The following ZNF157 variants were observed in gnomAD, a reference collection of about 807,000 sequenced individuals.
ZNF157 encodes the protein zinc finger protein 157, also known as zinc finger protein 22.
A neutral mutation model predicts 9.4 loss-of-function variants in ZNF157; 8 were observed. The observed-to-expected ratio is 0.85, with a 90% CI of 0.50 to 1.53. The LOEUF (loss-of-function observed/expected upper bound fraction) is 1.53. ZNF157 is among the 40% of genes most tolerant of loss of function. The probability of loss-of-function intolerance (pLI) is 0.00; values close to 1 mark genes in which losing one functional copy is unlikely to be tolerated. For synonymous variants in ZNF157, 120 were observed against 130.8 expected (o/e 0.92, Z 0.56); for missense variants, 316 against 385.2 (o/e 0.82, Z 1.50).
At chrX:47,375,020 TTTTTTTTTTTTTTTC>T (rs1406530518) in intron 1 of ZNF157, among the ~76,000 whole-genome samples, 4 of 47,415 alleles carry the variant, frequency 8.4e-5, no homozygotes, top group Non-Finnish European at 8.6e-5. Context: ...TTTTTTTTTT[TTTTTTTTTTTTTTTC>T]AGACAGAGTC....
At chrX:47,401,539 T>G (rs1221752073) in intron 1 of ZNF157, among the ~76,000 whole-genome samples, 1 of 111,775 alleles carries the variant, frequency 8.9e-6, no homozygotes, top group Non-Finnish European at 1.9e-5. Context: ...GGTACTGTGT[T>G]TCTCACGTAG....
At chrX:47,388,388 G>GT (rs1464556380) in intron 1 of ZNF157, among the ~76,000 whole-genome samples, 2 of 107,594 alleles carry the variant, frequency 1.9e-5, no homozygotes, top group Admixed American at 1.0e-4. Flanking sequence ...CTGGCTATGT[G>GT]TTTTTTTGTT....
intron 1 of ZNF157, among the ~76,000 whole-genome samples, chrX:47,380,137 ATT>A (rs770429693): frequency 1.5e-4 from 17 of 110,787 alleles, no homozygotes; most frequent in Non-Finnish European, 2.5e-4. Flanking sequence ...TGTTAACAGT[ATT>A]GAGTCTTCCC....
At chrX:47,394,431 C>T (rs1235842874) in intron 1 of ZNF157, among the ~76,000 whole-genome samples, 1 of 111,903 alleles carries the variant, frequency 8.9e-6, no homozygotes, top group Non-Finnish European at 1.9e-5. Flanking sequence ...TTCCTTTTGG[C>T]TTAACAGTTT....
At chrX:47,371,740 T>C (rs1319027181) in intron 1 of ZNF157, among the ~76,000 whole-genome samples, 1 of 111,190 alleles carries the variant, frequency 9.0e-6, no homozygotes, top group Non-Finnish European at 1.9e-5. Flanking sequence ...CCCGAGTAGC[T>C]GGTATTACAA....
chrX:47,397,924 A>T (rs2055918785), intron 1 of ZNF157, among the ~76,000 whole-genome samples: 1 of 110,996 alleles, frequency 9.0e-6, no homozygotes, highest in African/African-American at 3.3e-5. Context: ...GCATAATATC[A>T]TGAAGGTAGG....
intron 3 of ZNF157, 95 bp downstream of exon 3, chrX:47,410,870 G>GAATCTCTTTTTAGAGTTCC: frequency 8.3e-6 from 6 of 725,341 alleles, no homozygotes; most frequent in Non-Finnish European, 1.2e-5. Context: ...CACTTTCTAG[G>GAATCTCTTTTTAGAGTTCC]AATCTCTTTT....
chrX:47,378,145 T>C (rs1168155677), intron 1 of ZNF157, among the ~76,000 whole-genome samples: 1 of 110,215 alleles, frequency 9.1e-6, no homozygotes, highest in Non-Finnish European at 1.9e-5. Flanking sequence ...GATAATTTGG[T>C]GGGTAGGGGC....
rs887197177 is a variant in ZNF157 at position 47,373,192 on chromosome X, C to G, written c.72+2452C>G. On this transcript the variant is annotated intron_variant, in intron 1 of 3. Transcript: ENST00000377073. ...CTAGCCTGGGCAAAAGAGCGAGACTCTGTCTTAAAAAAAAATCCTTTATAA... is the reference window on the plus strand; with the variant it reads ...CTAGCCTGGGCAAAAGAGCGAGACTGTGTCTTAAAAAAAAATCCTTTATAA... Among the ~76,000 whole-genome samples the G allele has an allele frequency of 5.2e-5, 5 of 95,825 alleles. No homozygotes were observed. In the East Asian group the frequency reaches 1.6e-3, roughly 31 times the overall value. The allele number at this position is 95,825 out of a possible 115,157, so 83.2% of individuals were successfully genotyped here.
At chrX:47,389,325 C>G (rs1363691865) in intron 1 of ZNF157, among the ~76,000 whole-genome samples, 1 of 108,826 alleles carries the variant, frequency 9.2e-6, no homozygotes, top group African/African-American at 3.3e-5. Flanking sequence ...CCTGCCTCAG[C>G]CTTCCAAGTA....
intron 1 of ZNF157, among the ~76,000 whole-genome samples, chrX:47,373,130 C>T (rs1040048212): frequency 2.7e-5 from 3 of 109,797 alleles, no homozygotes; most frequent in Non-Finnish European, 5.7e-5. Flanking sequence ...ACCTGTGAGG[C>T]GGAGGTTGCA....
Position 47,379,724 on chromosome X carries a change from CTTTTTTTT to C in ZNF157, c.72+8996_72+9003del, listed in dbSNP as rs200985634. On this transcript the variant is annotated intron_variant, in intron 1 of 3. Transcript: ENST00000377073. ...AACATATAAGGACTGTGTCTAGATG[CTTTTTTTT>C]TTTTTTTTTTTGCATATGGATGTCC... Among the ~76,000 whole-genome samples the C allele has an allele frequency of 4.8e-5, 3 of 62,762 alleles. No individual in the cohort carries two copies. The East Asian group carries it at 1.7e-3, about 35-fold the overall frequency. The allele number at this position is 62,762 out of a possible 115,157, so 54.5% of individuals were successfully genotyped here. A position where few individuals can be genotyped will look rare whatever the true frequency, so the allele number is the denominator to read the frequency against.
At chrX:47,391,839 T>G (rs779620120) in intron 1 of ZNF157, among the ~76,000 whole-genome samples, 3 of 106,356 alleles carry the variant, frequency 2.8e-5, no homozygotes, top group African/African-American at 1.0e-4. Context: ...CATGAGCCAC[T>G]GCGCCTGGCC....
At chrX:47,411,176 A>G (rs978601966) in intron 3 of ZNF157, among the ~76,000 whole-genome samples, 2 of 109,945 alleles carry the variant, frequency 1.8e-5, no homozygotes. Flanking sequence ...TTTAGTAGAG[A>G]CAGGGTTTCA....
At chrX:47,373,608 A>T (rs2055834861) in intron 1 of ZNF157, among the ~76,000 whole-genome samples, 1 of 111,270 alleles carries the variant, frequency 9.0e-6, no homozygotes, top group Admixed American at 9.7e-5. Context: ...GCCATAAAGA[A>T]AGACAGACCT....
chrX:47,376,064 C>A (rs2055843922), intron 1 of ZNF157, among the ~76,000 whole-genome samples: 1 of 111,823 alleles, frequency 8.9e-6, no homozygotes, highest in Non-Finnish European at 1.9e-5. Flanking sequence ...AAACTGGCTT[C>A]TTTCACTTAG....
chrX:47,393,331 C>T (rs921311349), intron 1 of ZNF157, among the ~76,000 whole-genome samples: 26 of 111,281 alleles, frequency 2.3e-4, no homozygotes, highest in Middle Eastern at 4.6e-3. Flanking sequence ...AGTCTGACAG[C>T]CTTCTGTCAT....
chrX:47,389,030 C>T (rs1299183287), intron 1 of ZNF157, among the ~76,000 whole-genome samples: 1 of 109,433 alleles, frequency 9.1e-6, no homozygotes, highest in East Asian at 2.9e-4. Context: ...GGGCTGGTCT[C>T]GAACTCCTGA....
intron 1 of ZNF157, among the ~76,000 whole-genome samples, chrX:47,374,566 T>G (rs1388464036): frequency 3.8e-5 from 4 of 105,890 alleles, no homozygotes; most frequent in African/African-American, 1.4e-4. Context: ...ACCCTGCTAA[T>G]TTTTTGTATT....
Sources: allele counts gnomAD v4.1 joint callset (sites outside exome capture counted in the v4.1 genomes callset), GRCh38; gene constraint gnomAD v4.1.1; transcripts MANE v1.5; gene names NCBI Gene and HGNC (gene_info 2026-07-23, HGNC 2026-07-21).